RAB3C: variants seen among roughly 807,000 people sequenced by gnomAD.
RAB3C encodes the protein RAB3C, member RAS oncogene family.
Under a neutral mutation model 26.4 loss-of-function variants are expected in RAB3C, and 17 were observed. The observed-to-expected ratio is 0.64, with a 90% CI of 0.44 to 0.97. The LOEUF (loss-of-function observed/expected upper bound fraction) is 0.97. Ranked by LOEUF, RAB3C falls within the 50% of genes least tolerant of loss-of-function variation. The pLI is 0.00. For synonymous variants in RAB3C, 91 were observed against 95.9 expected, an observed-to-expected ratio of 0.95 and a Z score of 0.30; for missense variants, 242 against 281.9, an observed-to-expected ratio of 0.86 and a Z score of 1.01.
chr5:58,628,990 A>G (rs868182833), intron 2 of RAB3C, among the ~76,000 whole-genome samples: 1 of 140,950 alleles, frequency 7.1e-6, no homozygotes, highest in African/African-American at 2.6e-5. Flanking sequence ...CAGAAGTTCA[A>G]TACCAGCTTG....
chr5:58,662,431 G>GA (rs1383043359), intron 2 of RAB3C, among the ~76,000 whole-genome samples: 1 of 149,840 alleles, frequency 6.7e-6, no homozygotes, highest in Non-Finnish European at 1.5e-5. Context: ...GGGGTTGAAG[G>GA]AAAAAATCAT....
rs554866418 is a variant in RAB3C, at chr5:58,617,669, C to T, written c.51C>T (p.Tyr17=). The part of the protein sequence containing the change: ...MQMASAQDAR[Y]GQKDSSDQNF... The stretch of plus-strand genomic sequence containing the variant: ...TGGCCTCTGCCCAAGATGCCAGGTA[C>T]GGCCAGAAAGACTCCTCTGATCAGA... The change falls in exon 2 of 5, where the codon TAC becomes TAT. Residue 17 remains tyrosine (Y), a synonymous_variant. Coordinates refer to ENST00000282878, the MANE Select transcript of RAB3C (RefSeq NM_138453.4). The T allele has an allele frequency of 1.1e-4, 172 of 1,613,326 alleles. 1 individual carries two copies. In the South Asian group the frequency reaches 1.3e-3, roughly 12 times the overall value.
At position 58,672,564 on chromosome 5, in the gene RAB3C, C is replaced by T. The variant is rs555904313; in HGVS notation, c.253-53438C>T. 1.3e-4 allele frequency among the ~76,000 whole-genome samples: 20 copies of T among 152,186 alleles called. 1 individual carries two copies. In the South Asian group the frequency reaches 3.9e-3, roughly 30 times the overall value. On this transcript the variant is annotated intron_variant, in intron 2 of 4. Coordinates refer to ENST00000282878, the MANE Select transcript of RAB3C (RefSeq NM_138453.4). ...ATTAAACTCTGAAAGGTGTCTTTGT[C>T]GTGTATCATTCTAATTCATGCCTCT...
At chr5:58,716,956 A>G (rs1410144762) in intron 2 of RAB3C, among the ~76,000 whole-genome samples, 2 of 152,054 alleles carry the variant, frequency 1.3e-5, no homozygotes, top group Non-Finnish European at 2.9e-5. Flanking sequence ...AATGTAAACT[A>G]TGGACTTTGG....
rs1328918452 is a variant in RAB3C, at chr5:58,677,973, A to ATT, written c.253-48026_253-48025dup. ...TTTACTGGCAGGTAGTAGCTAGATT[A>ATT]TTTTGTGTGTGTGTGTGTGTGTGTG... On this transcript the variant is annotated intron_variant, in intron 2 of 4. Transcript: ENST00000282878. Among the ~76,000 whole-genome samples, 20 of 49,842 alleles carry ATT rather than the reference A, an allele frequency of 4.0e-4. No individual in the cohort carries two copies. In the Admixed American group the frequency reaches 4.1e-3, roughly 10 times the overall value. The allele number at this position is 49,842 out of a possible 152,430, so 32.7% of individuals were successfully genotyped here. A position where few individuals can be genotyped will look rare whatever the true frequency, so the allele number is the denominator to read the frequency against.
At chr5:58,633,137 A>G (rs1747220125) in intron 2 of RAB3C, among the ~76,000 whole-genome samples, 2 of 152,238 alleles carry the variant, frequency 1.3e-5, no homozygotes, top group Admixed American at 1.3e-4. Flanking sequence ...ACTAGAGGGA[A>G]CTGACCTGTT....
chr5:58,823,198 C>T (rs975367631), intron 3 of RAB3C: 10 of 321,708 alleles, frequency 3.1e-5, no homozygotes, highest in Admixed American at 1.2e-4. Flanking sequence ...TAAAGAACAG[C>T]GAAACTTCAG....
intron 4 of RAB3C, among the ~76,000 whole-genome samples, chr5:58,835,862 T>C (rs568546555): frequency 1.3e-5 from 2 of 152,304 alleles, no homozygotes; most frequent in African/African-American, 4.8e-5. Flanking sequence ...CTGAAAAAGA[T>C]TAAATCAAGG....
chr5:58,774,512 G>T (rs1742087028), intron 3 of RAB3C, among the ~76,000 whole-genome samples: 1 of 152,068 alleles, frequency 6.6e-6, no homozygotes, highest in Non-Finnish European at 1.5e-5. Flanking sequence ...GATATTAGTG[G>T]GGAAAAACAT....
intron 2 of RAB3C, among the ~76,000 whole-genome samples, chr5:58,721,931 TC>T (rs1320200778): frequency 2.0e-5 from 3 of 150,964 alleles, no homozygotes; most frequent in African/African-American, 7.4e-5. Flanking sequence ...TCTGAAAGCT[TC>T]TATTTTTTTT....
intron 3 of RAB3C, among the ~76,000 whole-genome samples, chr5:58,796,691 G>A (rs1010955598): frequency 9.2e-5 from 14 of 152,154 alleles, no homozygotes; most frequent in Non-Finnish European, 1.5e-4. Context: ...ATCTATCTCC[G>A]GTGAGTGCAG....
At chr5:58,835,083 T>C (rs571094645) in intron 4 of RAB3C, among the ~76,000 whole-genome samples, 1 of 152,228 alleles carries the variant, frequency 6.6e-6, no homozygotes, top group South Asian at 2.1e-4. Flanking sequence ...AATGGTATGG[T>C]TATCCAATCC....
At chr5:58,805,585 A>T (rs548305686) in intron 3 of RAB3C, among the ~76,000 whole-genome samples, 32 of 140,664 alleles carry the variant, frequency 2.3e-4, no homozygotes, top group African/African-American at 8.3e-4. Context: ...GCAAGACTCC[A>T]TCTGAAAAAA....
intron 3 of RAB3C, among the ~76,000 whole-genome samples, chr5:58,810,493 C>T (rs937924412): frequency 1.3e-5 from 2 of 151,724 alleles, no homozygotes; most frequent in African/African-American, 4.8e-5. Flanking sequence ...TCAAGAAGCC[C>T]GGTAATATTG....
At chr5:58,597,190 T>G (rs377587816) in intron 1 of RAB3C, among the ~76,000 whole-genome samples, 1 of 98,908 alleles carries the variant, frequency 1.0e-5, no homozygotes, top group East Asian at 2.7e-4. Flanking sequence ...CATAATATAT[T>G]ATATAATAAT....
At chr5:58,721,037 A>G (rs1025797080) in intron 2 of RAB3C, among the ~76,000 whole-genome samples, 2 of 151,888 alleles carry the variant, frequency 1.3e-5, no homozygotes, top group Admixed American at 1.3e-4. Context: ...TTCATTAGAA[A>G]AACATTCTAA....
chr5:58,710,491 C>G (rs879424864), intron 2 of RAB3C, among the ~76,000 whole-genome samples: 4 of 151,774 alleles, frequency 2.6e-5, no homozygotes, highest in Non-Finnish European at 4.4e-5. Context: ...CTCAGCTACT[C>G]AAGAGGCTGA....
chr5:58,770,657 A>AACT (rs1244375121), intron 3 of RAB3C, among the ~76,000 whole-genome samples: 3 of 152,170 alleles, frequency 2.0e-5, no homozygotes, highest in Non-Finnish European at 4.4e-5. Flanking sequence ...CCTTCTTTAA[A>AACT]AACCTTGGGA....
intron 2 of RAB3C, among the ~76,000 whole-genome samples, chr5:58,674,058 G>T (rs1233231560): frequency 6.6e-6 from 1 of 152,212 alleles, no homozygotes. Context: ...ATAAGAGTAA[G>T]TTTGGGAGGA....
Sources: allele counts gnomAD v4.1 joint callset (sites outside exome capture counted in the v4.1 genomes callset), GRCh38; gene constraint gnomAD v4.1.1; transcripts MANE v1.5; gene names NCBI Gene and HGNC (gene_info 2026-07-23, HGNC 2026-07-21).